Variants in C3orf70 observed in about 807,000 individuals in gnomAD.
C3orf70 encodes chromosome 3 open reading frame 70, also known as UPF0524 protein C3orf70.
A neutral mutation model predicts 20.7 loss-of-function variants in C3orf70; 15 were observed. That is an observed-to-expected ratio of 0.72 (90% CI 0.48 to 1.11). The LOEUF is 1.11. Among genes scored for constraint, C3orf70 ranks in the 50% most tolerant of loss-of-function variants. The probability of loss-of-function intolerance (pLI) is 0.00; values close to 1 mark genes in which losing one functional copy is unlikely to be tolerated. For missense variants in C3orf70, 332 were observed against 317.6 expected (o/e 1.05, Z -0.34); for synonymous variants, 161 against 125.7 (o/e 1.28, Z -1.88).
chr3:185,149,865 C>T (rs941322621), intron 1 of C3orf70, among the ~76,000 whole-genome samples: 1 of 152,188 alleles, frequency 6.6e-6, no homozygotes, highest in African/African-American at 2.4e-5. Flanking sequence ...AAAACAGAAA[C>T]AACTGCCAAC....
intron 1 of C3orf70, among the ~76,000 whole-genome samples, chr3:185,121,442 G>A (rs542472288): frequency 1.1e-3 from 161 of 152,216 alleles, no homozygotes; most frequent in African/African-American, 3.7e-3. Context: ...AAAGGTTTCT[G>A]TGAAGAGGTA....
At chr3:185,107,224 C>G (rs192264539) in intron 1 of C3orf70, among the ~76,000 whole-genome samples, 9 of 152,284 alleles carry the variant, frequency 5.9e-5, no homozygotes, top group Admixed American at 5.2e-4. Flanking sequence ...GGTAAAGCCC[C>G]TGAAGTATAT....
At chr3:185,149,107 T>A (rs1177932748) in intron 1 of C3orf70, among the ~76,000 whole-genome samples, 4 of 152,130 alleles carry the variant, frequency 2.6e-5, no homozygotes, top group African/African-American at 9.7e-5. Flanking sequence ...GTAAATACAG[T>A]ATGGGCTGGG....
At chr3:185,112,421 C>T (rs1716093887) in intron 1 of C3orf70, among the ~76,000 whole-genome samples, 1 of 152,218 alleles carries the variant, frequency 6.6e-6, no homozygotes, top group Non-Finnish European at 1.5e-5. Context: ...CATAATTTCA[C>T]TAGTTTTGCT....
chr3:185,121,650 A>C (rs931369651), intron 1 of C3orf70, among the ~76,000 whole-genome samples: 1 of 152,162 alleles, frequency 6.6e-6, no homozygotes, highest in Non-Finnish European at 1.5e-5. Context: ...GAGGAGAGAG[A>C]GTGTAATGAG....
At chr3:185,124,156 G>A (rs764198764) in intron 1 of C3orf70, among the ~76,000 whole-genome samples, 5 of 152,256 alleles carry the variant, frequency 3.3e-5, no homozygotes, top group South Asian at 4.2e-4. Flanking sequence ...ATGTGCATAG[G>A]TTACAAGCAA....
At chr3:185,091,230 A>G (rs1253384065) in intron 1 of C3orf70, among the ~76,000 whole-genome samples, 3 of 152,024 alleles carry the variant, frequency 2.0e-5, no homozygotes. Flanking sequence ...AAGGATTTTT[A>G]TATGGATATT....
At chr3:185,142,480 C>T (rs546443922) in intron 1 of C3orf70, among the ~76,000 whole-genome samples, 1 of 152,120 alleles carries the variant, frequency 6.6e-6, no homozygotes, top group Non-Finnish European at 1.5e-5. Flanking sequence ...AGATGGGGTA[C>T]AGTTAGAGAA....
chr3:185,083,648 C>G (rs560556181), intron 1 of C3orf70, 85 bp from the exon 2 acceptor site: 1 of 1,167,550 alleles, frequency 8.6e-7, no homozygotes, highest in African/African-American at 1.5e-5. Flanking sequence ...GACTCAATGT[C>G]TTTAAAAATA....
At chr3:185,126,061 A>G (rs1245600695) in intron 1 of C3orf70, among the ~76,000 whole-genome samples, 1 of 152,240 alleles carries the variant, frequency 6.6e-6, no homozygotes, top group East Asian at 1.9e-4. Context: ...TATAATTAAT[A>G]AGCCTGACTT....
chr3:185,108,872 G>A (rs1716001793), intron 1 of C3orf70, among the ~76,000 whole-genome samples: 1 of 152,128 alleles, frequency 6.6e-6, no homozygotes, highest in Admixed American at 6.5e-5. Flanking sequence ...ACTTTGTCTG[G>A]GCTACATGCC....
Position 185,152,802 on chromosome 3 carries a change from C to A in C3orf70, c.22G>T (p.Ala8Ser). The A allele has an allele frequency of 6.4e-7, 1 of 1,564,582 alleles. No individual in the cohort carries two copies. The highest frequency in any genetic ancestry group is 8.7e-7 in the Non-Finnish European group (1 of 1,153,754). Reference protein sequence around the residue: MSAAASPASERGWKSEKL... With the variant: MSAAASPSSERGWKSEKL... ...TCGCTCTTCCAACCCCGCTCCGACG[C>A]CGGCGAGGCCGCCGCACTCATTTCC... Residue 8 changes from alanine (A) to serine (S), a missense_variant, in exon 1 of 2, where the codon GCG becomes TCG. By Grantham distance (99) the Ala-to-Ser change is moderately conservative (BLOSUM62 1). Coordinates refer to ENST00000335012, the MANE Select transcript of C3orf70 (RefSeq NM_001025266.3).
intron 1 of C3orf70, among the ~76,000 whole-genome samples, chr3:185,106,603 A>G (rs1399427991): frequency 6.6e-6 from 1 of 152,236 alleles, no homozygotes; most frequent in Non-Finnish European, 1.5e-5. Flanking sequence ...GGGAAACACC[A>G]TGAGGGCCCG....
At chr3:185,121,588 A>C (rs370883912) in intron 1 of C3orf70, among the ~76,000 whole-genome samples, 2 of 152,248 alleles carry the variant, frequency 1.3e-5, no homozygotes, top group South Asian at 2.1e-4. Flanking sequence ...TTGAGCAAGA[A>C]TTTCACTAGT....
chr3:185,087,004 C>T (rs1002653230), intron 1 of C3orf70, among the ~76,000 whole-genome samples: 8 of 152,028 alleles, frequency 5.3e-5, no homozygotes, highest in Non-Finnish European at 1.0e-4. Context: ...TATCCTAGGC[C>T]GAGAATCCAT....
At chr3:185,125,247 A>G (rs1254571383) in intron 1 of C3orf70, among the ~76,000 whole-genome samples, 1 of 151,956 alleles carries the variant, frequency 6.6e-6, no homozygotes, top group Non-Finnish European at 1.5e-5. Context: ...GGTGTGGTGG[A>G]GCATGCCTGT....
intron 1 of C3orf70, among the ~76,000 whole-genome samples, chr3:185,141,090 C>T (rs921300066): frequency 2.8e-4 from 43 of 152,078 alleles, no homozygotes; most frequent in African/African-American, 1.0e-3. Context: ...CTTCCCAGAA[C>T]CCAAAGATGC....
chr3:185,105,257 TACACAA>T (rs1715908513), intron 1 of C3orf70, among the ~76,000 whole-genome samples: 1 of 152,222 alleles, frequency 6.6e-6, no homozygotes, highest in Non-Finnish European at 1.5e-5. Flanking sequence ...AAACTGGCCA[TACACAA>T]AATCTCTGCA....
chr3:185,132,339 G>A (rs1716537958), intron 1 of C3orf70, among the ~76,000 whole-genome samples: 1 of 151,210 alleles, frequency 6.6e-6, no homozygotes, highest in Non-Finnish European at 1.5e-5. Context: ...GAAGATATGA[G>A]TAAAAACAAG....
Sources: gnomAD v4.1 joint callset for allele counts (sites outside exome capture counted in the v4.1 genomes callset) on GRCh38, gnomAD v4.1.1 for gene constraint, MANE v1.5 for transcripts, NCBI Gene and HGNC (gene_info 2026-07-23, HGNC 2026-07-21) for gene names.